Variants in ARMH4 observed in about 807,000 individuals in gnomAD.
ARMH4 encodes the protein armadillo-like helical domain-containing protein 4.
In ARMH4, 49 loss-of-function variants were observed where a neutral mutation model predicts 61.9. That is an observed-to-expected ratio of 0.79 (90% CI 0.63 to 1.00). ARMH4 has a LOEUF of 1.00. ARMH4 is among the 50% of genes least tolerant of loss of function. The pLI is 0.00. For missense variants in ARMH4, 934 were observed against 930.0 expected, an observed-to-expected ratio of 1.00 and a Z score of -0.06; for synonymous variants, 368 against 341.5, an observed-to-expected ratio of 1.08 and a Z score of -0.85.
intron 4 of ARMH4, among the ~76,000 whole-genome samples, chr14:58,103,370 T>C (rs987040519): frequency 1.3e-5 from 2 of 152,144 alleles, no homozygotes; most frequent in East Asian, 1.9e-4. Context: ...AAAATGGCTA[T>C]GGGAGTGGGC....
intron 5 of ARMH4, among the ~76,000 whole-genome samples, chr14:58,040,377 A>T (rs1883647467): frequency 1.3e-5 from 2 of 152,060 alleles, no homozygotes; most frequent in Non-Finnish European, 2.9e-5. Flanking sequence ...ATGTGTTCTC[A>T]TCATTTAGCT....
Position 58,097,467 on chromosome 14 carries a change from G to C in ARMH4, c.1832-486C>G, listed in dbSNP as rs113115906. ...TCAGTGAGTAGAACTCACAAAAATGGTAAGTGAGGAGCACATAAATTCACT... is the reference window on the plus strand; with the variant it reads ...TCAGTGAGTAGAACTCACAAAAATGCTAAGTGAGGAGCACATAAATTCACT... On this transcript the variant is annotated intron_variant, in intron 4 of 7. Transcript: ENST00000267485. Among the ~76,000 whole-genome samples, 547 of 151,568 alleles carry C rather than the reference G, an allele frequency of 3.6e-3. 3 individuals carry two copies. The highest frequency in any genetic ancestry group is 0.011 in the African/African-American group (457 of 40,918).
At chr14:58,053,207 A>G (rs1015242358) in intron 5 of ARMH4, among the ~76,000 whole-genome samples, 1 of 152,220 alleles carries the variant, frequency 6.6e-6, no homozygotes, top group Non-Finnish European at 1.5e-5. Context: ...CAGTCCTTAC[A>G]AGACATCCTG....
intron 5 of ARMH4, among the ~76,000 whole-genome samples, chr14:58,089,444 T>G (rs968245021): frequency 1.3e-5 from 2 of 152,204 alleles, no homozygotes; most frequent in African/African-American, 4.8e-5. Context: ...TCTCACTTCC[T>G]CACAGTCAAG....
chr14:58,074,261 GTAAC>G (rs1884974499), intron 5 of ARMH4, among the ~76,000 whole-genome samples: 1 of 152,148 alleles, frequency 6.6e-6, no homozygotes, highest in African/African-American at 2.4e-5. Flanking sequence ...TTTTCTATCT[GTAAC>G]TAACTTATGC....
intron 4 of ARMH4, among the ~76,000 whole-genome samples, chr14:58,128,824 G>A (rs1371164449): frequency 4.6e-5 from 7 of 152,196 alleles, no homozygotes; most frequent in Non-Finnish European, 8.8e-5. Context: ...AGTCCTGACC[G>A]GTAGTACCAG....
intron 4 of ARMH4, among the ~76,000 whole-genome samples, chr14:58,125,138 G>C (rs374499262): frequency 2.0e-5 from 3 of 152,078 alleles, no homozygotes; most frequent in Non-Finnish European, 1.5e-5. Context: ...AAACCACCAA[G>C]TGGACATTGA....
intron 1 of ARMH4, among the ~76,000 whole-genome samples, chr14:58,139,825 T>G (rs1243538539): frequency 6.6e-6 from 1 of 152,234 alleles, no homozygotes; most frequent in Admixed American, 6.5e-5. Flanking sequence ...AATAACTTTT[T>G]AAGTGTTGCC....
rs748408929 is a variant in ARMH4 at position 58,097,001 on chromosome 14, A to C, written c.1832-20T>G. 6 of 1,609,128 alleles carry C rather than the reference A, an allele frequency of 3.7e-6. No homozygotes were observed. In the East Asian group the frequency reaches 1.1e-4, roughly 30 times the overall value. On this transcript the variant is annotated intron_variant, in intron 4 of 7. Transcript: ENST00000267485. ...GTCCCTCTAGGCAAAAAGAAATCAA[A>C]GGGAAGCATAAACATATAATGAGTT...
At chr14:58,080,310 G>A (rs1017247318) in intron 5 of ARMH4, among the ~76,000 whole-genome samples, 2 of 151,904 alleles carry the variant, frequency 1.3e-5, no homozygotes, top group Admixed American at 6.6e-5. Flanking sequence ...TGTATATTTA[G>A]TAGAGATGGG....
chr14:58,064,542 T>C (rs1884641451), intron 5 of ARMH4, among the ~76,000 whole-genome samples: 1 of 152,236 alleles, frequency 6.6e-6, no homozygotes. Context: ...ATAATGTTGA[T>C]ACTTTGAAAA....
chr14:58,058,261 A>T (rs1430969500), intron 5 of ARMH4, among the ~76,000 whole-genome samples: 1 of 152,202 alleles, frequency 6.6e-6, no homozygotes, highest in African/African-American at 2.4e-5. Context: ...CATAAATGCC[A>T]TGTAAATAGT....
intron 4 of ARMH4, among the ~76,000 whole-genome samples, chr14:58,126,365 G>A (rs977859614): frequency 7.2e-5 from 11 of 152,182 alleles, no homozygotes; most frequent in Non-Finnish European, 1.3e-4. Flanking sequence ...GAAGACCGCA[G>A]AAGGGGACAG....
At chr14:58,041,617 G>A (rs1271209916) in intron 5 of ARMH4, among the ~76,000 whole-genome samples, 4 of 152,086 alleles carry the variant, frequency 2.6e-5, no homozygotes, top group African/African-American at 9.7e-5. Flanking sequence ...ATGTAAATGG[G>A]CTAAATGCTC....
rs575975059 is a variant in ARMH4, at chr14:58,036,949, C to G, written c.2090-24799G>C. ...TTCCATGCTCATGGGTAGGAAGAAT[C>G]AATATCGTGAAAACGGCCATACTGC... On this transcript the variant is annotated intron_variant, in intron 5 of 7. Coordinates refer to ENST00000267485, the MANE Select transcript of ARMH4 (RefSeq NM_001001872.4). 1.2e-4 allele frequency among the ~76,000 whole-genome samples: 15 copies of G among 120,708 alleles called. 4 individuals carry two copies. Among genetic ancestry groups the G allele is most frequent in the Middle Eastern group, 3.8e-3 (1 of 260 alleles). 79.2% of individuals were successfully genotyped at this position (120,708 alleles called of 152,430 possible).
rs1226478350 is a variant in ARMH4, at chr14:58,002,016, A to G, written c.*2720T>C. ...ATGTTTTAAGCCTAGTTGTTTGAATAAAAAGTTGACTTTCTATTTTAATTG... is the reference window on the plus strand; with the variant it reads ...ATGTTTTAAGCCTAGTTGTTTGAATGAAAAGTTGACTTTCTATTTTAATTG... On this transcript the variant is annotated 3_prime_UTR_variant, in exon 8 of 8. Transcript: ENST00000267485. 1 of 152,212 alleles carries G rather than the reference A, an allele frequency of 6.6e-6. No individual in the cohort carries two copies. Among genetic ancestry groups the G allele is most frequent in the Non-Finnish European group, 1.5e-5 (1 of 68,036 alleles). 9.4% of individuals were successfully genotyped at this position (152,212 alleles called of 1,614,324 possible).
chr14:58,133,000 A>C, intron 3 of ARMH4, 90 bp downstream of exon 3: 4 of 1,440,054 alleles, frequency 2.8e-6, no homozygotes, highest in Non-Finnish European at 3.8e-6. Flanking sequence ...CGCTGATGGC[A>C]ATGTCGGCTG....
At chr14:58,029,310 C>G (rs957003351) in intron 5 of ARMH4, among the ~76,000 whole-genome samples, 3 of 152,116 alleles carry the variant, frequency 2.0e-5, no homozygotes, top group African/African-American at 7.2e-5. Context: ...CTCGGCTCAC[C>G]ACAACCTCCG....
chr14:58,148,123 C>T (rs1405492486), intron 1 of ARMH4, among the ~76,000 whole-genome samples: 3 of 152,048 alleles, frequency 2.0e-5, no homozygotes, highest in African/African-American at 7.3e-5. Context: ...GATCTCGGCT[C>T]ACAACCTCCA....
Sources: gnomAD v4.1 joint callset for allele counts (sites outside exome capture counted in the v4.1 genomes callset) on GRCh38, gnomAD v4.1.1 for gene constraint, MANE v1.5 for transcripts, NCBI Gene and HGNC (gene_info 2026-07-23, HGNC 2026-07-21) for gene names.